Variants in INCENP observed in about 807,000 individuals in gnomAD.
The protein encoded by INCENP is binds and activates aurora-B and -C in vivo and in vitro.
Under a neutral mutation model 107.3 loss-of-function variants are expected in INCENP, and 43 were observed. The ratio of observed to expected loss-of-function variants is 0.40; its 90% CI spans 0.31 to 0.52. INCENP has a LOEUF of 0.52. Among genes scored for constraint, INCENP ranks in the 20% least tolerant of loss-of-function variants. The pLI is 0.53. For synonymous variants in INCENP, 488 were observed against 494.4 expected (o/e 0.99, Z 0.17); for missense variants, 1,089 against 1,250.9 (o/e 0.87, Z 1.95).
At chr11:62,131,804 G>A (rs1489865121) in intron 4 of INCENP, among the ~76,000 whole-genome samples, 1 of 151,700 alleles carries the variant, frequency 6.6e-6, no homozygotes, top group African/African-American at 2.4e-5. Context: ...TTGATACAGA[G>A]TCTCGCTCTG....
At position 62,128,173 on chromosome 11, in the gene INCENP, G is replaced by C. The variant is rs749159086; in HGVS notation, c.12G>C (p.Thr4=). The C allele has an allele frequency of 2.5e-6, 4 of 1,614,150 alleles. No homozygotes were observed. Among genetic ancestry groups the C allele is most frequent in the Non-Finnish European group, 2.5e-6 (3 of 1,180,020 alleles). ...CAGACAGAGCCACCATGGGGACGAC[G>C]GCCCCAGGGCCCATTCACCTGCTGG... MGT[T]APGPIHLLEL... The change falls in exon 2 of 19, where the codon ACG becomes ACC. Residue 4 remains threonine (T), a synonymous_variant. Transcript: ENST00000394818.
rs1943984373 is a variant in INCENP at position 62,135,946 on chromosome 11, A to G, written c.1064-1886A>G. 2.6e-5 allele frequency among the ~76,000 whole-genome samples: 4 copies of G among 151,968 alleles called. No homozygotes were observed. In the South Asian group the frequency reaches 8.3e-4, roughly 32 times the overall value. ...TGCCTCAGCCTCCCGAGTAGCTGGG[A>G]CTACAGGCGCCCACCACTACGCCCG... On this transcript the variant is annotated intron_variant, in intron 4 of 18. Transcript: ENST00000394818.
chr11:62,139,039 G>A (rs376622668), intron 7 of INCENP, 34 bp downstream of exon 7: 53 of 1,501,080 alleles, frequency 3.5e-5, no homozygotes, highest in South Asian at 2.1e-4. Flanking sequence ...TGCAGTGCCC[G>A]GAGCCACAGC....
intron 5 of INCENP, among the ~76,000 whole-genome samples, 166 bp from the exon 6 acceptor site, chr11:62,138,547 G>A (rs1839750925): frequency 6.6e-6 from 1 of 152,178 alleles, no homozygotes; most frequent in Admixed American, 6.5e-5. Context: ...CCATTGCCGG[G>A]AGCTGCCATC....
At chr11:62,148,919 G>C in intron 17 of INCENP, 73 bp downstream of exon 17, 2 of 936,560 alleles carry the variant, frequency 2.1e-6, no homozygotes, top group Non-Finnish European at 3.2e-6. Context: ...GTAGCTAGAG[G>C]CACAGGCTGT....
In INCENP at chr11:62,152,940, G is replaced by A. The variant is rs1404842624; in HGVS notation, c.*964G>A. On this transcript the variant is annotated 3_prime_UTR_variant, in exon 19 of 19. Coordinates refer to ENST00000394818, the MANE Select transcript of INCENP (RefSeq NM_001040694.2). ...CTGTAGCCCCGGGTTGTCAAACTAT[G>A]GCCTGTGGGCCAAATCCAGCCACAG... 1 of 152,184 alleles carries A rather than the reference G, an allele frequency of 6.6e-6. No homozygotes were observed. The highest frequency in any genetic ancestry group is 2.4e-5 in the African/African-American group (1 of 41,442). 9.4% of individuals were successfully genotyped at this position (152,184 alleles called of 1,614,324 possible).
intron 4 of INCENP, 88 bp downstream of exon 4, chr11:62,130,678 T>C: frequency 8.4e-7 from 1 of 1,190,874 alleles, no homozygotes; most frequent in Non-Finnish European, 1.2e-6. Flanking sequence ...CAAGGAGCTG[T>C]CCAGAGAGCT....
At chr11:62,142,448 C>G (rs568452988) in intron 11 of INCENP, among the ~76,000 whole-genome samples, 2 of 152,226 alleles carry the variant, frequency 1.3e-5, no homozygotes, top group African/African-American at 4.8e-5. Flanking sequence ...TAGAGAAGAC[C>G]AGGAAGTGGT....
rs552734239 is a variant in INCENP, at chr11:62,131,297, G to A, written c.1063+707G>A. Among the ~76,000 whole-genome samples the A allele has an allele frequency of 9.2e-5, 14 of 152,318 alleles. No individual in the cohort carries two copies. In the East Asian group the frequency reaches 2.5e-3, roughly 27 times the overall value. ...TTGCCTGTCAACTGGGGCTAATCGC[G>A]TCACTTCAAAGGGTCGTTGTGAGGT... is the stretch of plus-strand genomic sequence containing the variant. On this transcript the variant is annotated intron_variant, in intron 4 of 18. Transcript: ENST00000394818.
chr11:62,143,780 G>A (rs1324529849), intron 11 of INCENP, among the ~76,000 whole-genome samples: 1 of 152,214 alleles, frequency 6.6e-6, no homozygotes, highest in Non-Finnish European at 1.5e-5. Flanking sequence ...CCTAAAGGTG[G>A]GAGTCTACTG....
Position 62,130,582 on chromosome 11 carries a change from G to C in INCENP, c.1055G>C (p.Arg352Pro), listed in dbSNP as rs768678317. ...GCCGAAGAGCCAGCTGCCTCTGGCC[G>C]CATCATCTGTGAGTCTGGGGGCTTG... ...KTAEEPAASG[R>P]IICHSYLERL... Residue 352 changes from arginine (R) to proline (P), a missense_variant, in exon 4 of 19, where the codon CGC becomes CCC. Arg to Pro is a moderately radical substitution (Grantham distance 103). Transcript: ENST00000394818. 3 of 1,610,300 alleles carry C rather than the reference G, an allele frequency of 1.9e-6. No individual in the cohort carries two copies. The South Asian group carries it at 3.3e-5, about 18-fold the overall frequency.
At chr11:62,148,015 G>A (rs367910977) in intron 15 of INCENP, among the ~76,000 whole-genome samples, 1 of 152,154 alleles carries the variant, frequency 6.6e-6, no homozygotes, top group Non-Finnish European at 1.5e-5. Context: ...GTCCAGAGAG[G>A]TTAAATGACA....
intron 15 of INCENP, among the ~76,000 whole-genome samples, chr11:62,147,535 G>A (rs1423743648): frequency 6.6e-6 from 1 of 152,220 alleles, no homozygotes; most frequent in Non-Finnish European, 1.5e-5. Flanking sequence ...CTCACTGTTG[G>A]TCAGGAGATA....
intron 9 of INCENP, 34 bp downstream of exon 9, chr11:62,140,855 G>C (rs1944102284): frequency 6.2e-7 from 1 of 1,613,666 alleles, no homozygotes; most frequent in Non-Finnish European, 8.5e-7. Flanking sequence ...CTGGAGCCCT[G>C]ACCCCCTTCA....
At position 62,150,075 on chromosome 11, in the gene INCENP, T is replaced by C; in HGVS notation, c.2410T>C (p.Tyr804His). 6.2e-7 allele frequency: 1 copy of C among 1,614,028 alleles called. No homozygotes were observed. The highest frequency in any genetic ancestry group is 1.1e-5 in the South Asian group (1 of 91,078). ...VDVQSPACTS[Y>H]QMTPQGHRAP... ...TTTGCAGTCTCCAGCTTGTACCTCATATCAGATGACTCCGCAAGGGCACAG... is the reference window on the plus strand; with the variant it reads ...TTTGCAGTCTCCAGCTTGTACCTCACATCAGATGACTCCGCAAGGGCACAG... Residue 804 changes from tyrosine to histidine, a missense_variant, in exon 18 of 19, where the codon TAT becomes CAT. By Grantham distance (83) the Tyr-to-His change is moderately conservative. Transcript: ENST00000394818.
chr11:62,141,639 A>G, intron 11 of INCENP, 128 bp downstream of exon 11: 1 of 1,286,102 alleles, frequency 7.8e-7, no homozygotes, highest in East Asian at 2.3e-5. Context: ...AGCCTTAGGA[A>G]GAGAGTGGGA....
chr11:62,140,197 C>T (rs200556008), intron 7 of INCENP, 37 bp from the exon 8 acceptor site: 5 of 1,604,862 alleles, frequency 3.1e-6, no homozygotes, highest in Middle Eastern at 1.7e-4. Flanking sequence ...CCGCCGCCAT[C>T]GTTTCTGCAG....
intron 4 of INCENP, among the ~76,000 whole-genome samples, chr11:62,132,959 T>G (rs1466040709): frequency 1.3e-5 from 2 of 152,214 alleles, no homozygotes; most frequent in Non-Finnish European, 2.9e-5. Context: ...CTCATCTTAG[T>G]GCTTGAGTGT....
intron 1 of INCENP, among the ~76,000 whole-genome samples, chr11:62,125,156 G>A (rs1943722426): frequency 6.6e-6 from 1 of 152,180 alleles, no homozygotes; most frequent in African/African-American, 2.4e-5. Context: ...AGAGATTTTT[G>A]CTGCTCTTCC....
Sources: allele counts gnomAD v4.1 joint callset (sites outside exome capture counted in the v4.1 genomes callset), GRCh38; gene constraint gnomAD v4.1.1; transcripts MANE v1.5; gene names NCBI Gene and HGNC (gene_info 2026-07-23, HGNC 2026-07-21).